Variants in LRP1B observed in about 807,000 individuals in gnomAD.
LRP1B encodes the protein LDL receptor related protein 1B.
Under a neutral mutation model 556.6 loss-of-function variants are expected in LRP1B, and 217 were observed. That is an observed-to-expected ratio of 0.39 (90% CI 0.35 to 0.44). The LOEUF (loss-of-function observed/expected upper bound fraction) is 0.44, where lower values mean the gene tolerates loss of function less well. Among genes scored for constraint, LRP1B ranks in the 20% least tolerant of loss-of-function variants. The pLI, the probability that LRP1B is intolerant of heterozygous loss-of-function variation, is 1.00. For synonymous variants in LRP1B, 2,047 were observed against 1,865.8 expected (o/e 1.10, Z -2.50); for missense variants, 5,053 against 5,620.8 (o/e 0.90, Z 3.23).
intron 1 of LRP1B, among the ~76,000 whole-genome samples, chr2:141,845,172 C>T (rs2105765708): frequency 6.6e-6 from 1 of 151,650 alleles, no homozygotes; most frequent in African/African-American, 2.4e-5. Flanking sequence ...CTTTCAGCTT[C>T]AAGGTTATTT....
At chr2:142,100,450 C>T (rs751368843) in intron 1 of LRP1B, among the ~76,000 whole-genome samples, 6 of 152,004 alleles carry the variant, frequency 3.9e-5, no homozygotes, top group Admixed American at 1.3e-4. Context: ...AGCCCCAGTG[C>T]TCCAGCTGCC....
At chr2:140,448,934 T>C (rs1272150598) in intron 63 of LRP1B, among the ~76,000 whole-genome samples, 1 of 152,066 alleles carries the variant, frequency 6.6e-6, no homozygotes, top group East Asian at 1.9e-4. Flanking sequence ...ACAAGGATCA[T>C]AGAGAAGCTC....
intron 2 of LRP1B, among the ~76,000 whole-genome samples, chr2:141,527,118 T>C (rs1684716726): frequency 6.6e-6 from 1 of 152,092 alleles, no homozygotes; most frequent in South Asian, 2.1e-4. Context: ...TTGTTTTGTT[T>C]TGTTGCTCTT....
At chr2:140,504,052 T>C (rs1371671193) in intron 53 of LRP1B, among the ~76,000 whole-genome samples, 1 of 152,110 alleles carries the variant, frequency 6.6e-6, no homozygotes, top group East Asian at 1.9e-4. Flanking sequence ...TGAAGTCTTA[T>C]CCAGTCCAAT....
At chr2:140,880,481 CA>C (rs1177763942) in intron 25 of LRP1B, among the ~76,000 whole-genome samples, 1 of 152,000 alleles carries the variant, frequency 6.6e-6, no homozygotes, top group Non-Finnish European at 1.5e-5. Flanking sequence ...GAGATCAGGT[CA>C]AAATCCAGAA....
intron 3 of LRP1B, among the ~76,000 whole-genome samples, chr2:141,415,638 T>C (rs1481633352): frequency 6.6e-6 from 1 of 152,190 alleles, no homozygotes; most frequent in African/African-American, 2.4e-5. Context: ...AGTCTTTGAT[T>C]CTCTTCTTAA....
chr2:140,408,732 C>A (rs1684851650), intron 66 of LRP1B, among the ~76,000 whole-genome samples: 1 of 151,770 alleles, frequency 6.6e-6, no homozygotes, highest in South Asian at 2.1e-4. Context: ...GCCATAAAAC[C>A]CTAAACCCTA....
Position 141,109,644 on chromosome 2 carries a change from G to A in LRP1B, c.1014-47371C>T, listed in dbSNP as rs1225282680. ...AGAGTTACTTGCCTAAGTGTAGGGA[G>A]GAGAAAGGGACTACAACCTTGCAAA... is the stretch of plus-strand genomic sequence containing the variant. On this transcript the variant is annotated intron_variant, in intron 7 of 90. Coordinates refer to ENST00000389484, the MANE Select transcript of LRP1B (RefSeq NM_018557.3). 2.8e-5 allele frequency among the ~76,000 whole-genome samples: 4 copies of A among 142,508 alleles called. No individual in the cohort carries two copies. In the East Asian group the frequency reaches 8.3e-4, roughly 29 times the overall value. 93.5% of individuals were successfully genotyped at this position (142,508 alleles called of 152,430 possible). A position where few individuals can be genotyped will look rare whatever the true frequency, so the allele number is the denominator to read the frequency against.
At chr2:140,457,201 T>A (rs914092894) in intron 61 of LRP1B, among the ~76,000 whole-genome samples, 6 of 152,192 alleles carry the variant, frequency 3.9e-5, no homozygotes, top group Non-Finnish European at 5.9e-5. Context: ...TCTTCACTTA[T>A]CTGACTAAAT....
chr2:141,121,150 T>C (rs188898828), intron 7 of LRP1B, among the ~76,000 whole-genome samples: 1 of 151,992 alleles, frequency 6.6e-6, no homozygotes, highest in Admixed American at 6.6e-5. Context: ...TCCTCATCCA[T>C]GAAATGAAAA....
intron 2 of LRP1B, among the ~76,000 whole-genome samples, chr2:141,766,849 C>G (rs1289547286): frequency 6.6e-6 from 1 of 152,132 alleles, no homozygotes; most frequent in Admixed American, 6.5e-5. Flanking sequence ...AACAGGAAGG[C>G]TTATAGCCTT....
chr2:140,298,837 C>A (rs954178636), intron 83 of LRP1B, among the ~76,000 whole-genome samples: 2 of 152,008 alleles, frequency 1.3e-5, no homozygotes, highest in African/African-American at 4.8e-5. Context: ...AAATATGGAA[C>A]TAGCTCTGTA....
chr2:141,193,754 T>A (rs1681623029), intron 6 of LRP1B, among the ~76,000 whole-genome samples: 1 of 151,464 alleles, frequency 6.6e-6, no homozygotes, highest in Non-Finnish European at 1.5e-5. Flanking sequence ...CCCACAAAAT[T>A]GAGAAAGTCA....
At chr2:140,941,547 C>T (rs1442784941) in intron 20 of LRP1B, among the ~76,000 whole-genome samples, 1 of 152,112 alleles carries the variant, frequency 6.6e-6, no homozygotes, top group African/African-American at 2.4e-5. Flanking sequence ...TAAAAGCCTA[C>T]CTGCCAGCCC....
chr2:140,334,615 T>C (rs1200168707), intron 78 of LRP1B, 56 bp from the exon 79 acceptor site: 9 of 954,692 alleles, frequency 9.4e-6, no homozygotes, highest in African/African-American at 1.7e-5. Flanking sequence ...ATAACCAGAC[T>C]CTGCTCCGCA....
chr2:141,096,629 GGAGAGAGAGAGA>G (rs756327718), intron 7 of LRP1B, among the ~76,000 whole-genome samples: 645 of 59,690 alleles, frequency 0.011, 9 homozygotes, highest in South Asian at 0.042. Flanking sequence ...GGGGAGAGGG[GGAGAGAGAGAGA>G]GAGAGAGAGA....
chr2:141,117,760 C>G (rs535469997), intron 7 of LRP1B, among the ~76,000 whole-genome samples: 2 of 152,106 alleles, frequency 1.3e-5, no homozygotes. Flanking sequence ...TTAACCAAAT[C>G]CTTCAAATCA....
intron 5 of LRP1B, among the ~76,000 whole-genome samples, chr2:141,238,320 T>C (rs1358055846): frequency 1.3e-5 from 2 of 152,146 alleles, no homozygotes; most frequent in African/African-American, 4.8e-5. Flanking sequence ...TTAGTAATAT[T>C]TGAGTTTAAA....
Position 141,741,599 on chromosome 2 carries a change from G to A in LRP1B, c.205+68680C>T, listed in dbSNP as rs944689216. On this transcript the variant is annotated intron_variant, in intron 2 of 90. Transcript: ENST00000389484. ...GTTTGCCATTTGTATGTCTTCTTTT[G>A]AGAAGTGTCTATACAGATCTTTTGC... 1.3e-5 allele frequency among the ~76,000 whole-genome samples: 2 copies of A among 152,014 alleles called. 1 individual carries two copies. The highest frequency in any genetic ancestry group is 4.8e-5 in the African/African-American group (2 of 41,412).
Sources: gnomAD v4.1 joint callset for allele counts (sites outside exome capture counted in the v4.1 genomes callset) on GRCh38, gnomAD v4.1.1 for gene constraint, MANE v1.5 for transcripts, NCBI Gene and HGNC (gene_info 2026-07-23, HGNC 2026-07-21) for gene names.